Variants in PRKD1 observed in about 807,000 individuals in gnomAD.
PRKD1 encodes serine/threonine-protein kinase D1.
In PRKD1, 63 loss-of-function variants were observed where a neutral mutation model predicts 95.9. The ratio of observed to expected loss-of-function variants is 0.66; its 90% CI spans 0.54 to 0.81. The LOEUF (loss-of-function observed/expected upper bound fraction) is 0.81. PRKD1 is among the 30% of genes least tolerant of loss of function. The probability of loss-of-function intolerance (pLI) is 0.00; values close to 1 mark genes in which losing one functional copy is unlikely to be tolerated. For missense variants in PRKD1, 1,048 were observed against 1,165.3 expected, an observed-to-expected ratio of 0.90 and a Z score of 1.47; for synonymous variants, 425 against 423.1, an observed-to-expected ratio of 1.00 and a Z score of -0.05.
intron 1 of PRKD1, among the ~76,000 whole-genome samples, chr14:29,752,584 T>G (rs1461853725): frequency 6.6e-6 from 1 of 150,950 alleles, no homozygotes. Flanking sequence ...TTATTATATA[T>G]ATATATAATT....
chr14:29,787,250 A>G (rs1348396527), intron 1 of PRKD1, among the ~76,000 whole-genome samples: 4 of 124,620 alleles, frequency 3.2e-5, no homozygotes, highest in Non-Finnish European at 6.4e-5. Flanking sequence ...GGCCTAATAT[A>G]TGGTCTTTCC....
chr14:29,908,805 G>C (rs1894588084), intron 1 of PRKD1, among the ~76,000 whole-genome samples: 1 of 152,186 alleles, frequency 6.6e-6, no homozygotes, highest in African/African-American at 2.4e-5. Context: ...GGTCTTATGA[G>C]TTGTGACTAG....
At chr14:29,739,572 A>T (rs1489483981) in intron 1 of PRKD1, among the ~76,000 whole-genome samples, 2 of 152,204 alleles carry the variant, frequency 1.3e-5, no homozygotes, top group Non-Finnish European at 2.9e-5. Flanking sequence ...AATCTTTTGA[A>T]ATTAAAGTTT....
intron 1 of PRKD1, among the ~76,000 whole-genome samples, chr14:29,899,322 A>C (rs1295906547): frequency 2.0e-5 from 3 of 152,176 alleles, no homozygotes; most frequent in African/African-American, 7.2e-5. Context: ...TTTGTACAAT[A>C]CACCTTATAC....
intron 1 of PRKD1, among the ~76,000 whole-genome samples, chr14:29,861,734 C>A (rs1258567524): frequency 6.6e-6 from 1 of 152,060 alleles, no homozygotes; most frequent in Non-Finnish European, 1.5e-5. Flanking sequence ...CTCACTGCAA[C>A]CTCTGCCTCC....
chr14:29,645,123 G>A, intron 4 of PRKD1, among the ~76,000 whole-genome samples: 1 of 152,174 alleles, frequency 6.6e-6, no homozygotes, highest in East Asian at 1.9e-4. Context: ...TTGATTTTAT[G>A]CTAATATAGA....
intron 1 of PRKD1, among the ~76,000 whole-genome samples, chr14:29,804,190 C>T (rs1429203045): frequency 1.3e-5 from 2 of 149,534 alleles, no homozygotes; most frequent in Admixed American, 6.7e-5. Context: ...TGCAATGAGC[C>T]GAGATCAGGC....
intron 13 of PRKD1, among the ~76,000 whole-genome samples, chr14:29,623,816 C>T (rs1566493898): frequency 1.3e-5 from 2 of 152,068 alleles, no homozygotes; most frequent in African/African-American, 4.8e-5. Flanking sequence ...ATTATCACAG[C>T]ATAAAGGCAT....
At chr14:29,894,500 G>T (rs1867375909) in intron 1 of PRKD1, among the ~76,000 whole-genome samples, 1 of 152,160 alleles carries the variant, frequency 6.6e-6, no homozygotes, top group Admixed American at 6.5e-5. Context: ...ATATTCTAGT[G>T]GATATCATTG....
intron 1 of PRKD1, among the ~76,000 whole-genome samples, chr14:29,761,188 C>T (rs1175611416): frequency 2.0e-5 from 3 of 152,184 alleles, no homozygotes; most frequent in African/African-American, 4.8e-5. Context: ...AGACATGCTT[C>T]CTTGCCCCCT....
At chr14:29,718,615 T>C (rs1028713524) in intron 2 of PRKD1, among the ~76,000 whole-genome samples, 3 of 152,172 alleles carry the variant, frequency 2.0e-5, no homozygotes, top group African/African-American at 7.2e-5. Flanking sequence ...AAATGACGTG[T>C]ATTTTCACAT....
chr14:29,738,269 C>T (rs1408903742), intron 1 of PRKD1, among the ~76,000 whole-genome samples: 2 of 152,116 alleles, frequency 1.3e-5, no homozygotes, highest in Non-Finnish European at 2.9e-5. Context: ...TCTTAAGAAA[C>T]AGAAACCAGA....
At chr14:29,626,447 T>C (rs202227619) in intron 12 of PRKD1, 37 bp downstream of exon 12, 1 of 1,542,080 alleles carries the variant, frequency 6.5e-7, no homozygotes, top group African/African-American at 1.4e-5. Flanking sequence ...CTAGCAAAAA[T>C]TTTAAGTTCA....
chr14:29,607,990 G>A (rs567618360), intron 13 of PRKD1, among the ~76,000 whole-genome samples: 135 of 152,208 alleles, frequency 8.9e-4, no homozygotes, highest in Non-Finnish European at 1.5e-3. Context: ...TTGAAACTGA[G>A]GGAAAGAGTT....
chr14:29,851,967 A>T (rs1054900242), intron 1 of PRKD1, among the ~76,000 whole-genome samples: 11 of 152,182 alleles, frequency 7.2e-5, no homozygotes, highest in Non-Finnish European at 1.5e-4. Flanking sequence ...ATCCTACACA[A>T]ATTAACACAC....
chr14:29,892,438 C>CA (rs201359274), intron 1 of PRKD1, among the ~76,000 whole-genome samples: 20,485 of 131,546 alleles, frequency 0.16, 1,740 homozygotes, highest in Non-Finnish European at 0.21. Context: ...GCCACCCATA[C>CA]AAAAAAAAAA....
chr14:29,791,999 T>C (rs1406118365), intron 1 of PRKD1, among the ~76,000 whole-genome samples: 3 of 152,236 alleles, frequency 2.0e-5, no homozygotes, highest in Admixed American at 1.3e-4. Flanking sequence ...CTCACCAACA[T>C]TGGGTACAGT....
intron 4 of PRKD1, among the ~76,000 whole-genome samples, chr14:29,656,021 G>A (rs1375044522): frequency 1.3e-5 from 2 of 151,990 alleles, no homozygotes; most frequent in Non-Finnish European, 1.5e-5. Context: ...ATACTGGGAT[G>A]GTGTCCTCAC....
rs569955790 is a variant in PRKD1 at position 29,759,384 on chromosome 14, C to G, written c.265-33710G>C. ...TAGATTCTAATTAATTTAAAAACAG[C>G]AATCTTTCTATTAGTGTGAAAGTAA... On this transcript the variant is annotated intron_variant, in intron 1 of 17. Coordinates refer to ENST00000331968, the MANE Select transcript of PRKD1 (RefSeq NM_002742.3). Among the ~76,000 whole-genome samples the G allele has an allele frequency of 7.2e-5, 11 of 152,266 alleles. No individual in the cohort carries two copies. The South Asian group carries it at 2.3e-3, about 32-fold the overall frequency.
Sources: gnomAD v4.1 joint callset for allele counts (sites outside exome capture counted in the v4.1 genomes callset) on GRCh38, gnomAD v4.1.1 for gene constraint, MANE v1.5 for transcripts, NCBI Gene and HGNC (gene_info 2026-07-23, HGNC 2026-07-21) for gene names.